The following CMKLR1 variants were observed in gnomAD, a reference collection of about 807,000 sequenced individuals.
The protein encoded by CMKLR1 is chemerin chemokine-like receptor 1.
Under a neutral mutation model 8.2 loss-of-function variants are expected in CMKLR1, and 6 were observed. The ratio of observed to expected loss-of-function variants is 0.73; its 90% CI spans 0.40 to 1.44. CMKLR1 has a LOEUF of 1.44. Among genes scored for constraint, CMKLR1 ranks in the 40% most tolerant of loss-of-function variants. CMKLR1 has a pLI of 0.02. For synonymous variants in CMKLR1, 178 were observed against 181.2 expected (o/e 0.98, Z 0.14); for missense variants, 429 against 478.0 (o/e 0.90, Z 0.96).
At chr12:108,308,409 C>T (rs1278737980) in intron 2 of CMKLR1, among the ~76,000 whole-genome samples, 1 of 152,238 alleles carries the variant, frequency 6.6e-6, no homozygotes, top group East Asian at 1.9e-4. Context: ...CTTCCCAGCT[C>T]TCTCTTCTGC....
intron 2 of CMKLR1, among the ~76,000 whole-genome samples, chr12:108,305,969 C>T (rs1045609498): frequency 6.6e-6 from 1 of 152,100 alleles, no homozygotes; most frequent in South Asian, 2.1e-4. Context: ...TCAGGGAGAC[C>T]CCCCCACCCA....
In CMKLR1 at chr12:108,288,524, CCA is replaced by C. The variant is rs1229434903; in HGVS notation, c.*3315_*3316del. 2.6e-5 allele frequency: 4 copies of C among 152,366 alleles called. No homozygotes were observed. The highest frequency in any genetic ancestry group is 7.2e-5 in the African/African-American group (3 of 41,458). The allele number at this position is 152,366 out of a possible 1,614,324, so 9.4% of individuals were successfully genotyped here. On this transcript the variant is annotated 3_prime_UTR_variant, in exon 4 of 4. Coordinates refer to ENST00000550402, the MANE Select transcript of CMKLR1 (RefSeq NM_001142343.2). ...GCCAATCCCCTCCCTTTGTCAGTGCCCAGTTTCCTCACCCCTTCTGAACCTTG... is the reference window on the plus strand; with the variant it reads ...GCCAATCCCCTCCCTTTGTCAGTGCCGTTTCCTCACCCCTTCTGAACCTTG...
chr12:108,329,526 A>C (rs1892055401), intron 2 of CMKLR1, among the ~76,000 whole-genome samples: 1 of 152,186 alleles, frequency 6.6e-6, no homozygotes, highest in Non-Finnish European at 1.5e-5. Flanking sequence ...TTGCACACTA[A>C]ATGTATCAAG....
intron 1 of CMKLR1, among the ~76,000 whole-genome samples, chr12:108,338,521 G>T (rs1892283364): frequency 6.6e-6 from 1 of 152,178 alleles, no homozygotes; most frequent in Non-Finnish European, 1.5e-5. Context: ...AGGTCAAGCT[G>T]CCACGGCCTT....
At chr12:108,310,278 T>G (rs762940374) in intron 2 of CMKLR1, among the ~76,000 whole-genome samples, 7 of 152,036 alleles carry the variant, frequency 4.6e-5, no homozygotes, top group Non-Finnish European at 8.8e-5. Flanking sequence ...AGCCATCAAC[T>G]TTATCCTATG....
chr12:108,330,222 A>T lies in CMKLR1; in HGVS notation c.-286-15T>A, dbSNP rs1365454882. On this transcript the variant is annotated splice_polypyrimidine_tract_variant and intron_variant, in intron 1 of 3. Transcript: ENST00000550402. ...GGAGAGATGGGCTACAGAGAGAGAG[A>T]AAGAGAGAAACAGAGCACACAAGTT... is the stretch of plus-strand genomic sequence containing the variant. 6.6e-6 allele frequency: 1 copy of T among 152,204 alleles called. No homozygotes were observed. The highest frequency in any genetic ancestry group is 2.4e-5 in the African/African-American group (1 of 41,436). 9.4% of individuals were successfully genotyped at this position (152,204 alleles called of 1,614,324 possible). A position where few individuals can be genotyped will look rare whatever the true frequency, so the allele number is the denominator to read the frequency against.
At position 108,288,755 on chromosome 12, in the gene CMKLR1, C is replaced by T. The variant is rs1448400262; in HGVS notation, c.*3086G>A. ...AATCAAATTCCTCCCACTCTTTGGA[C>T]TTCCATTCCTCTCCCCTTCTCTCTT... is the stretch of plus-strand genomic sequence containing the variant. On this transcript the variant is annotated 3_prime_UTR_variant, in exon 4 of 4. Transcript: ENST00000550402. The T allele has an allele frequency of 6.6e-6, 1 of 152,226 alleles. No individual in the cohort carries two copies. The highest frequency in any genetic ancestry group is 2.4e-5 in the African/African-American group (1 of 41,420). The allele number at this position is 152,226 out of a possible 1,614,324, so 9.4% of individuals were successfully genotyped here.
rs182243804 is a variant in CMKLR1, at chr12:108,292,356, A to T, written c.607T>A (p.Trp203Arg). 27 of 1,614,186 alleles carry T rather than the reference A, an allele frequency of 1.7e-5. No individual in the cohort carries two copies. The East Asian group carries it at 4.2e-4, about 25-fold the overall frequency. Reference protein sequence around the residue: ...FSLSTPGSSSWPTHSQMDPVG... With the variant: ...FSLSTPGSSSRPTHSQMDPVG... Reference sequence around the variant, plus strand: ...GGGTCCATTTGGGAGTGAGTGGGCCACGAGGAAGACCCAGGTGTGGACAGG... The same window carrying T: ...GGGTCCATTTGGGAGTGAGTGGGCCTCGAGGAAGACCCAGGTGTGGACAGG... The change falls in exon 4 of 4, where the codon TGG becomes AGG. Residue 203 changes from tryptophan to arginine, a missense_variant. Physicochemically the swap from Trp to Arg is moderately radical, Grantham distance 101. Transcript: ENST00000550402.
Position 108,292,484 on chromosome 12 carries a change from C to A in CMKLR1, c.479G>T (p.Cys160Phe), listed in dbSNP as rs747824224. The A allele has an allele frequency of 1.2e-6, 2 of 1,614,054 alleles. No individual in the cohort carries two copies. Among genetic ancestry groups the A allele is most frequent in the Non-Finnish European group, 1.7e-6 (2 of 1,180,044 alleles). Residue 160 changes from cysteine (C) to phenylalanine (F), a missense_variant, in exon 4 of 4, where the codon TGC becomes TTC. By Grantham distance (205) the Cys-to-Phe change is radical. Transcript: ENST00000550402. ...GAAAGCCAGGACCCAGATGACCATG[C>A]AGGCCATGTAAGCCAGGCGAACGCT... is the stretch of plus-strand genomic sequence containing the variant. ...HRSVRLAYMA[C>F]MVIWVLAFFL...
In CMKLR1 at chr12:108,316,423, G is replaced by A. The variant is rs139884458; in HGVS notation, c.-74+13572C>T. 1.2e-4 allele frequency among the ~76,000 whole-genome samples: 18 copies of A among 152,314 alleles called. No homozygotes were observed. The East Asian group carries it at 3.5e-3, about 29-fold the overall frequency. ...GGGGAAGAGGGGCAGGGAGAGGAAA[G>A]CCAGCAGGAAGAGGAGAGACGCACA... On this transcript the variant is annotated intron_variant, in intron 2 of 3. Transcript: ENST00000550402.
intron 2 of CMKLR1, among the ~76,000 whole-genome samples, chr12:108,312,730 T>C (rs944785223): frequency 6.6e-6 from 1 of 152,166 alleles, no homozygotes; most frequent in Admixed American, 6.5e-5. Flanking sequence ...TCACTGTCCT[T>C]TATGTTCTGT....
At chr12:108,310,638 C>T (rs943261805) in intron 2 of CMKLR1, among the ~76,000 whole-genome samples, 5 of 152,098 alleles carry the variant, frequency 3.3e-5, no homozygotes, top group East Asian at 3.9e-4. Context: ...CTTGAGTGAG[C>T]GGAGGAGTGA....
In CMKLR1 at chr12:108,290,993, A is replaced by C. The variant is rs1890947512; in HGVS notation, c.*848T>G. 6.6e-6 allele frequency: 1 copy of C among 152,338 alleles called. No homozygotes were observed. 9.4% of individuals were successfully genotyped at this position (152,338 alleles called of 1,614,324 possible). On this transcript the variant is annotated 3_prime_UTR_variant, in exon 4 of 4. Coordinates refer to ENST00000550402, the MANE Select transcript of CMKLR1 (RefSeq NM_001142343.2). ...GTGATGGGGTGAGGGCTGCTGGTGA[A>C]GATGCCTGCCACAACCCCACCCCCA...
chr12:108,310,967 CA>C (rs1372268034), intron 2 of CMKLR1, among the ~76,000 whole-genome samples: 11 of 143,560 alleles, frequency 7.7e-5, no homozygotes, highest in African/African-American at 2.5e-4. Context: ...ACCCCCCGCC[CA>C]GGAGATGAGC....
At chr12:108,298,777 A>G (rs1376127538) in intron 2 of CMKLR1, among the ~76,000 whole-genome samples, 2 of 152,234 alleles carry the variant, frequency 1.3e-5, no homozygotes, top group Non-Finnish European at 2.9e-5. Context: ...CAGGCCCAGC[A>G]CCAAGATTCT....
At chr12:108,308,687 A>G (rs1055214540) in intron 2 of CMKLR1, among the ~76,000 whole-genome samples, 1 of 152,208 alleles carries the variant, frequency 6.6e-6, no homozygotes, top group Admixed American at 6.5e-5. Context: ...GCCCCTCCAG[A>G]CAGGCTGACT....
At chr12:108,303,049 G>C (rs975854024) in intron 2 of CMKLR1, among the ~76,000 whole-genome samples, 1 of 152,112 alleles carries the variant, frequency 6.6e-6, no homozygotes, top group East Asian at 1.9e-4. Flanking sequence ...GTGGTGCCCA[G>C]CTCAGAGTCT....
chr12:108,304,564 G>C (rs1418773778), intron 2 of CMKLR1, among the ~76,000 whole-genome samples: 2 of 151,936 alleles, frequency 1.3e-5, no homozygotes, highest in Non-Finnish European at 2.9e-5. Flanking sequence ...TATCTGACTT[G>C]TTCTTTCTGC....
At chr12:108,334,263 C>T (rs550942664) in intron 1 of CMKLR1, among the ~76,000 whole-genome samples, 1 of 152,340 alleles carries the variant, frequency 6.6e-6, no homozygotes, top group Non-Finnish European at 1.5e-5. Context: ...GTCTCTCCTC[C>T]CCTGAGGGCC....
Sources: gnomAD v4.1 joint callset for allele counts (sites outside exome capture counted in the v4.1 genomes callset) on GRCh38, gnomAD v4.1.1 for gene constraint, MANE v1.5 for transcripts, NCBI Gene and HGNC (gene_info 2026-07-23, HGNC 2026-07-21) for gene names.